The following ZSCAN1 variants were observed in gnomAD, a reference collection of about 807,000 sequenced individuals.
ZSCAN1 encodes the protein zinc finger and SCAN domain containing 1.
In ZSCAN1, 23 loss-of-function variants were observed where a neutral mutation model predicts 23.8. The ratio of observed to expected loss-of-function variants is 0.97; its 90% CI spans 0.70 to 1.37. The LOEUF is 1.37. ZSCAN1 is among the 40% of genes most tolerant of loss of function. The pLI, the probability that ZSCAN1 is intolerant of heterozygous loss-of-function variation, is 0.00. For missense variants in ZSCAN1, 575 were observed against 554.0 expected (o/e 1.04, Z -0.38); for synonymous variants, 236 against 232.3 (o/e 1.02, Z -0.15).
At chr19:58,039,530 G>A (rs939152501) in intron 3 of ZSCAN1, among the ~76,000 whole-genome samples, 2 of 152,110 alleles carry the variant, frequency 1.3e-5, no homozygotes, top group Non-Finnish European at 2.9e-5. Context: ...AGCACTTTGG[G>A]AGGCCAAGGC....
chr19:58,040,446 A>T lies in ZSCAN1; in HGVS notation c.371-4A>T. On this transcript the variant is annotated splice_region_variant and splice_polypyrimidine_tract_variant and intron_variant, in intron 3 of 5. Coordinates refer to ENST00000282326, the MANE Select transcript of ZSCAN1 (RefSeq NM_182572.4). The surrounding 1 kb of genome is among the most constrained non-coding windows in gnomAD (Gnocchi z 5.8). ...CCCTCTCACGATCCCTTTCTCCCGC[A>T]CAGTTCTGGTATCTCTGGACTCGGT... 6.2e-7 allele frequency: 1 copy of T among 1,613,404 alleles called. No individual in the cohort carries two copies. Among genetic ancestry groups the T allele is most frequent in the Admixed American group, 1.7e-5 (1 of 60,008 alleles).
At chr19:58,046,987 T>C (rs1423289704) in intron 4 of ZSCAN1, among the ~76,000 whole-genome samples, 1 of 152,236 alleles carries the variant, frequency 6.6e-6, no homozygotes, top group African/African-American at 2.4e-5. Flanking sequence ...GGATCCACAC[T>C]GTGGTGTGGC....
At position 58,049,611 on chromosome 19, in the gene ZSCAN1, T is replaced by C. The variant is rs551697917; in HGVS notation, c.466-2879T>C. ...TGTTGACTGAAACACCATTACCCCA[T>C]GGGGAGGGGCTGCCTGAAGCCTGTA... On this transcript the variant is annotated intron_variant, in intron 4 of 5. Transcript: ENST00000282326. This position sits in a 1 kb window ranked among gnomAD's most constrained non-coding sequence, Gnocchi z 4.5. Among the ~76,000 whole-genome samples, 3 of 152,130 alleles carry C rather than the reference T, an allele frequency of 2.0e-5. No homozygotes were observed. The highest frequency in any genetic ancestry group is 2.9e-5 in the Non-Finnish European group (2 of 68,034).
rs1199267285 is a variant in ZSCAN1 at position 58,045,910 on chromosome 19, C to T, written c.465+5366C>T. On this transcript the variant is annotated intron_variant, in intron 4 of 5. Coordinates refer to ENST00000282326, the MANE Select transcript of ZSCAN1 (RefSeq NM_182572.4). The surrounding 1 kb of genome is among the most constrained non-coding windows in gnomAD (Gnocchi z 4.3). ...CCCAGAGATTGTGGCAAAGGAAGCA[C>T]AGGTGAAAGTGGCCGAGGTGGAGGG... 2.0e-6 allele frequency: 2 copies of T among 989,536 alleles called. No homozygotes were observed. The highest frequency in any genetic ancestry group is 3.3e-6 in the Non-Finnish European group (2 of 613,748). The allele number at this position is 989,536 out of a possible 1,614,324, so 61.3% of individuals were successfully genotyped here. A position where few individuals can be genotyped will look rare whatever the true frequency, so the allele number is the denominator to read the frequency against.
Position 58,040,644 on chromosome 19 carries a change from T to G in ZSCAN1, c.465+100T>G. On this transcript the variant is annotated intron_variant, in intron 4 of 5. Transcript: ENST00000282326. This position sits in a 1 kb window ranked among gnomAD's most constrained non-coding sequence, Gnocchi z 5.8. ...TGCCCCATCCAAGGACTGTGTGAGG[T>G]TGTCCCCAGCGCTCCCAGGAAGCCC... is the stretch of plus-strand genomic sequence containing the variant. 1 of 1,213,518 alleles carries G rather than the reference T, an allele frequency of 8.2e-7. No individual in the cohort carries two copies. The highest frequency in any genetic ancestry group is 2.4e-5 in the East Asian group (1 of 42,380). 75.2% of individuals were successfully genotyped at this position (1,213,518 alleles called of 1,614,324 possible).
At chr19:58,039,189 C>T (rs943380489) in intron 3 of ZSCAN1, among the ~76,000 whole-genome samples, 7 of 152,298 alleles carry the variant, frequency 4.6e-5, no homozygotes, top group Non-Finnish European at 7.4e-5. Context: ...CAAGGGTAGC[C>T]CTGTAAGCTG....
In ZSCAN1 at chr19:58,049,540, A is replaced by G. The variant is rs1331064512; in HGVS notation, c.466-2950A>G. On this transcript the variant is annotated intron_variant, in intron 4 of 5. Transcript: ENST00000282326. The surrounding 1 kb of genome is among the most constrained non-coding windows in gnomAD (Gnocchi z 4.5). ...GTTGGATTTCAAATGGTGGTGGAAG[A>G]GAGTCATTATAATTTTACGAGATCA... Among the ~76,000 whole-genome samples, 1 of 152,156 alleles carries G rather than the reference A, an allele frequency of 6.6e-6. No individual in the cohort carries two copies. Among genetic ancestry groups the G allele is most frequent in the Non-Finnish European group, 1.5e-5 (1 of 68,034 alleles).
intron 4 of ZSCAN1, chr19:58,046,005 C>G (rs898863381): frequency 1.4e-6 from 1 of 705,620 alleles, no homozygotes; most frequent in Non-Finnish European, 2.6e-6. Flanking sequence ...AGGAGCACCG[C>G]GAGAAGGAGC....
At position 58,047,083 on chromosome 19, in the gene ZSCAN1, T is replaced by C. The variant is rs187705432; in HGVS notation, c.466-5407T>C. Among the ~76,000 whole-genome samples the C allele has an allele frequency of 2.0e-5, 3 of 152,282 alleles. No individual in the cohort carries two copies. The highest frequency in any genetic ancestry group is 4.4e-5 in the Non-Finnish European group (3 of 68,026). On this transcript the variant is annotated intron_variant, in intron 4 of 5. Coordinates refer to ENST00000282326, the MANE Select transcript of ZSCAN1 (RefSeq NM_182572.4). This position sits in a 1 kb window ranked among gnomAD's most constrained non-coding sequence, Gnocchi z 4.9. ...GTGGCCTCACGTCTCAGTGTCTGAC[T>C]GTGCTGCCCTGTGCCCAGGGAGGAG...
In ZSCAN1 at chr19:58,052,552, G is replaced by A. The variant is rs771101623; in HGVS notation, c.528G>A (p.Trp176Ter). The stretch of plus-strand genomic sequence containing the variant: ...CAGCACTCCCCGAGGAAAGTGAGTG[G>A]CTGGAGACTACCCAGCTCCAGCAGA... ...AAPALPEESE[W>*]LETTQLQQSL... Residue 176 changes from tryptophan to a stop codon, truncating the protein, a stop_gained, in exon 5 of 6, where the codon TGG (tryptophan) becomes TGA (stop). Coordinates refer to ENST00000282326, the MANE Select transcript of ZSCAN1 (RefSeq NM_182572.4). LOFTEE classifies it high-confidence loss of function. 1.2e-6 allele frequency: 2 copies of A among 1,614,014 alleles called. No homozygotes were observed. The highest frequency in any genetic ancestry group is 4.5e-5 in the East Asian group (2 of 44,890).
intron 4 of ZSCAN1, among the ~76,000 whole-genome samples, chr19:58,050,987 A>C (rs1164321852): frequency 6.6e-6 from 1 of 152,110 alleles, no homozygotes; most frequent in Non-Finnish European, 1.5e-5. Context: ...CCAGTGGCTC[A>C]CCGGGGCTAT....
rs1018576608 is a variant in ZSCAN1 at position 58,044,810 on chromosome 19, T to G, written c.465+4266T>G. 9.5e-6 allele frequency: 7 copies of G among 733,194 alleles called. No homozygotes were observed. The African/African-American group carries it at 1.2e-4, about 13-fold the overall frequency. 45.4% of individuals were successfully genotyped at this position (733,194 alleles called of 1,614,324 possible). A position where few individuals can be genotyped will look rare whatever the true frequency, so the allele number is the denominator to read the frequency against. ...GGCGATCACCTCAGCTGTTGGACTC[T>G]GAGGCCCGAGTGCCTTCGCACCGTG... On this transcript the variant is annotated intron_variant, in intron 4 of 5. Coordinates refer to ENST00000282326, the MANE Select transcript of ZSCAN1 (RefSeq NM_182572.4).
In ZSCAN1 at chr19:58,047,935, C is replaced by A. The variant is rs1261403776; in HGVS notation, c.466-4555C>A. The stretch of plus-strand genomic sequence containing the variant: ...TGGCCACCTCCACCCTCCTGCCCAG[C>A]CGGCTGTGTCACACTCATATTTTTA... On this transcript the variant is annotated intron_variant, in intron 4 of 5. Transcript: ENST00000282326. This position sits in a 1 kb window ranked among gnomAD's most constrained non-coding sequence, Gnocchi z 4.9. Among the ~76,000 whole-genome samples, 1 of 152,220 alleles carries A rather than the reference C, an allele frequency of 6.6e-6. No homozygotes were observed. The highest frequency in any genetic ancestry group is 1.5e-5 in the Non-Finnish European group (1 of 68,038).
chr19:58,045,678 C>T lies in ZSCAN1; in HGVS notation c.465+5134C>T, dbSNP rs912134107. 5 of 922,110 alleles carry T rather than the reference C, an allele frequency of 5.4e-6. No individual in the cohort carries two copies. Among genetic ancestry groups the T allele is most frequent in the Admixed American group, 5.3e-5 (3 of 56,980 alleles). 57.1% of individuals were successfully genotyped at this position (922,110 alleles called of 1,614,324 possible). ...CTGAGGAAGGGGTGGACAGCCTGAACGTCAAGGAGCTGCAGGCGGCATGTC... is the reference window on the plus strand; with the variant it reads ...CTGAGGAAGGGGTGGACAGCCTGAATGTCAAGGAGCTGCAGGCGGCATGTC... On this transcript the variant is annotated intron_variant, in intron 4 of 5. Transcript: ENST00000282326. The surrounding 1 kb of genome is among the most constrained non-coding windows in gnomAD (Gnocchi z 4.3).
At chr19:58,044,337 C>T (rs1472294351) in intron 4 of ZSCAN1, among the ~76,000 whole-genome samples, 1 of 151,878 alleles carries the variant, frequency 6.6e-6, no homozygotes, top group Non-Finnish European at 1.5e-5. Flanking sequence ...CATCATTATC[C>T]CACAGAAAGG....
Position 58,045,404 on chromosome 19 carries a change from G to C in ZSCAN1, c.465+4860G>C. The C allele has an allele frequency of 3.1e-6, 3 of 971,686 alleles. No homozygotes were observed. The highest frequency in any genetic ancestry group is 5.1e-6 in the Non-Finnish European group (3 of 592,948). 60.2% of individuals were successfully genotyped at this position (971,686 alleles called of 1,614,324 possible). A position where few individuals can be genotyped will look rare whatever the true frequency, so the allele number is the denominator to read the frequency against. ...ACACCATCCAGGAGATGGCCTTGAA[G>C]AACGAGGCAGCCAAGGGCAGTGCCA... is the stretch of plus-strand genomic sequence containing the variant. On this transcript the variant is annotated intron_variant, in intron 4 of 5. Transcript: ENST00000282326. This position sits in a 1 kb window ranked among gnomAD's most constrained non-coding sequence, Gnocchi z 4.3.
In ZSCAN1 at chr19:58,053,844, G is replaced by A; in HGVS notation, c.1020G>A (p.Lys340=). 6.2e-7 allele frequency: 1 copy of A among 1,614,084 alleles called. No homozygotes were observed. Among genetic ancestry groups the A allele is most frequent in the South Asian group, 1.1e-5 (1 of 91,072 alleles). ...LHNSVLTEHG[K]IHLLEPPRKK... is the part of the protein sequence containing the mutation. ...ACTCCGTCCTCACTGAGCATGGCAA[G>A]ATCCACCTGCTGGAGCCACCGAGGA... Residue 340 remains lysine (K), a synonymous_variant, in exon 6 of 6, where the codon AAG becomes AAA. Coordinates refer to ENST00000282326, the MANE Select transcript of ZSCAN1 (RefSeq NM_182572.4). This position sits in a 1 kb window ranked among gnomAD's most constrained non-coding sequence, Gnocchi z 5.8.
At chr19:58,037,702 C>T (rs1431273555) in intron 2 of ZSCAN1, 26 bp from the exon 3 acceptor site, 21 of 1,133,274 alleles carry the variant, frequency 1.9e-5, no homozygotes, top group Non-Finnish European at 2.5e-5. Context: ...CTGATGTGAC[C>T]CCTCTGTCCC....
In ZSCAN1 at chr19:58,053,682, C is replaced by G; in HGVS notation, c.858C>G (p.Pro286=). 6.2e-7 allele frequency: 1 copy of G among 1,614,138 alleles called. No individual in the cohort carries two copies. The highest frequency in any genetic ancestry group is 8.5e-7 in the Non-Finnish European group (1 of 1,180,024). ...VAGISVVPRG[P]RGGRPFQCAD... is the part of the protein sequence containing the mutation. ...GCATCTCGGTAGTGCCGCGTGGGCC[C>G]CGAGGTGGGCGGCCCTTCCAGTGTG... The change falls in exon 6 of 6, where the codon CCC becomes CCG. Residue 286 remains proline (P), a synonymous_variant. Transcript: ENST00000282326. The surrounding 1 kb of genome is among the most constrained non-coding windows in gnomAD (Gnocchi z 5.8).
Sources: allele counts gnomAD v4.1 joint callset (sites outside exome capture counted in the v4.1 genomes callset), GRCh38; gene constraint gnomAD v4.1.1; non-coding constraint Gnocchi (gnomAD v3.1); transcripts MANE v1.5; gene names NCBI Gene and HGNC (gene_info 2026-07-23, HGNC 2026-07-21).